Variants in TAGAP observed in about 807,000 individuals in gnomAD.
TAGAP encodes T cell activation RhoGTPase activating protein, also known as T-cell activation Rho GTPase-activating protein.
A neutral mutation model predicts 36.0 loss-of-function variants in TAGAP; 16 were observed. The ratio of observed to expected loss-of-function variants is 0.44; its 90% confidence interval spans 0.30 to 0.68. The LOEUF (loss-of-function observed/expected upper bound fraction) is 0.68. Among genes scored for constraint, TAGAP ranks in the 30% least tolerant of loss-of-function variants. The pLI, the probability that TAGAP is intolerant of heterozygous loss-of-function variation, is 0.09. For synonymous variants in TAGAP, 372 were observed against 377.4 expected (o/e 0.99, Z 0.17); for missense variants, 794 against 921.5 (o/e 0.86, Z 1.79).
intron 8 of TAGAP, chr6:159,038,776 A>G: frequency 6.5e-6 from 3 of 463,198 alleles, no homozygotes; most frequent in Non-Finnish European, 9.1e-6. Context: ...AGTATTAATA[A>G]AATTTTCATT....
intron 2 of TAGAP, 34 bp from the exon 3 acceptor site, chr6:159,044,065 T>A (rs1232127601): frequency 6.2e-7 from 1 of 1,613,662 alleles, no homozygotes; most frequent in East Asian, 2.2e-5. Context: ...GGTAAATATC[T>A]TTTGGCCCTT....
chr6:159,040,610 A>T (rs1779713423), intron 7 of TAGAP, 113 bp downstream of exon 7: 1 of 881,836 alleles, frequency 1.1e-6, no homozygotes, highest in South Asian at 1.7e-5. Context: ...CGGATTCCCT[A>T]AACATCACAA....
Position 159,039,309 on chromosome 6 carries a change from C to T in TAGAP, c.588G>A (p.Gln196=). The T allele has an allele frequency of 1.2e-6, 2 of 1,611,914 alleles. No homozygotes were observed. The highest frequency in any genetic ancestry group is 1.1e-5 in the South Asian group (1 of 91,020). The change falls in exon 8 of 10, where the codon CAG becomes CAA. Residue 196 remains glutamine (Q), a splice_region_variant and synonymous_variant. Coordinates refer to ENST00000367066, the MANE Select transcript of TAGAP (RefSeq NM_054114.5). ...DEEDRIEALK[Q]VADKLPRPNL... ...TGGGCCGGGGGAGCTTATCTGCAAC[C>T]CTGGAATAAAGTGAAGGGATGTTAG... is the stretch of plus-strand genomic sequence containing the variant.
chr6:159,035,900 C>T lies in TAGAP; in HGVS notation c.2123G>A (p.Cys708Tyr). ...SESVQRNKRDCLVRRCSQPVF... is the reference protein window; with the variant it reads ...SESVQRNKRDYLVRRCSQPVF... ...CGGCTGGCTACATCGTCGCACGAGA[C>T]AGTCCCGCTTATTCCTCTGCACGGA... The change falls in exon 10 of 10, where the codon TGT becomes TAT. Residue 708 changes from cysteine (C) to tyrosine (Y), a missense_variant. By Grantham distance (194) the Cys-to-Tyr change is radical. Transcript: ENST00000367066. The T allele has an allele frequency of 2.5e-6, 4 of 1,613,906 alleles. No individual in the cohort carries two copies. The South Asian group carries it at 4.4e-5, about 18-fold the overall frequency.
At chr6:159,038,063 T>C in intron 9 of TAGAP, 51 bp downstream of exon 9, 1 of 1,202,848 alleles carries the variant, frequency 8.3e-7, no homozygotes. Flanking sequence ...ACTGGCAGAC[T>C]GGCATGAACT....
At chr6:159,043,422 T>C (rs1351405387) in intron 4 of TAGAP, among the ~76,000 whole-genome samples, 167 bp downstream of exon 4, 1 of 152,244 alleles carries the variant, frequency 6.6e-6, no homozygotes, top group Non-Finnish European at 1.5e-5. Context: ...CTCCCTGCTC[T>C]AGTGAGTTGG....
At position 159,035,819 on chromosome 6, in the gene TAGAP, C is replaced by A. The variant is rs765320237; in HGVS notation, c.*8G>T. On this transcript the variant is annotated 3_prime_UTR_variant, in exon 10 of 10. Coordinates refer to ENST00000367066, the MANE Select transcript of TAGAP (RefSeq NM_054114.5). ...GCACAAGCTATGGCATGGCGTATGGCCTCCCTCCTAAATATACGATTCTTT... is the reference window on the plus strand; with the variant it reads ...GCACAAGCTATGGCATGGCGTATGGACTCCCTCCTAAATATACGATTCTTT... The A allele has an allele frequency of 7.6e-6, 12 of 1,582,418 alleles. No homozygotes were observed. In the Admixed American group the frequency reaches 2.0e-4, roughly 27 times the overall value.
chr6:159,035,971 A>G lies in TAGAP; in HGVS notation c.2052T>C (p.Ser684=), dbSNP rs774498911. 1 of 1,614,148 alleles carries G rather than the reference A, an allele frequency of 6.2e-7. No individual in the cohort carries two copies. The highest frequency in any genetic ancestry group is 8.5e-7 in the Non-Finnish European group (1 of 1,179,974). The part of the protein sequence containing the change: ...HASGDSLGHV[S]GPGRPELLPL... Reference sequence around the variant, plus strand: ...GGAGGAGCTCAGGTCTCCCTGGGCCAGACACGTGCCCCAGAGAGTCCCCAG... The same window carrying G: ...GGAGGAGCTCAGGTCTCCCTGGGCCGGACACGTGCCCCAGAGAGTCCCCAG... The change falls in exon 10 of 10, where the codon TCT becomes TCC. Residue 684 remains serine, a synonymous_variant. Transcript: ENST00000367066.
Position 159,041,360 on chromosome 6 carries a change from G to A in TAGAP, c.471C>T (p.Val157=). 1 of 1,613,626 alleles carries A rather than the reference G, an allele frequency of 6.2e-7. No individual in the cohort carries two copies. Among genetic ancestry groups the A allele is most frequent in the Non-Finnish European group, 8.5e-7 (1 of 1,179,922 alleles). ...ERLPVHLLAV[V]FKDFLRSIPR... is the part of the protein sequence containing the mutation. ...GCAAGTGTGTTGAACTCACCTTAAA[G>A]ACCACAGCGAGGAGGTGCACGGGGA... is the stretch of plus-strand genomic sequence containing the variant. Residue 157 remains valine (V), a synonymous_variant, in exon 6 of 10, where the codon GTC becomes GTT. Coordinates refer to ENST00000367066, the MANE Select transcript of TAGAP (RefSeq NM_054114.5). This position sits in a 1 kb window ranked among gnomAD's most constrained non-coding sequence, Gnocchi z 4.1.
chr6:159,036,024 A>T lies in TAGAP; in HGVS notation c.1999T>A (p.Trp667Arg), dbSNP rs1309844912. 1 of 1,611,446 alleles carries T rather than the reference A, an allele frequency of 6.2e-7. No individual in the cohort carries two copies. The highest frequency in any genetic ancestry group is 8.5e-7 in the Non-Finnish European group (1 of 1,177,976). ...GHGLSPLPER[W>R]KQSRTVHASG... ...GCATGGACAGTTCTGCTCTGTTTCC[A>T]TCGCTCAGGCAGGGGAGAGAGTCCG... Residue 667 changes from tryptophan to arginine, a missense_variant, in exon 10 of 10, where the codon TGG (tryptophan) becomes AGG (arginine). By Grantham distance (101) the Trp-to-Arg change is moderately radical. Transcript: ENST00000367066. The surrounding 1 kb of genome is among the most constrained non-coding windows in gnomAD (Gnocchi z 4.9).
chr6:159,038,208 G>A lies in TAGAP; in HGVS notation c.804C>T (p.Phe268=), dbSNP rs753717176. The change falls in exon 9 of 10, where the codon TTC becomes TTT. Residue 268 remains phenylalanine, a synonymous_variant. Transcript: ENST00000367066. Reference sequence around the variant, plus strand: ...ATATTTCAAAGCAGTTATCAATGAGGAATTCCACCAGTGTCTTCACCTGTG... The same window carrying A: ...ATATTTCAAAGCAGTTATCAATGAGAAATTCCACCAGTGTCTTCACCTGTG... ...LNNKVKTLVE[F]LIDNCFEIFG... is the part of the protein sequence containing the mutation. The A allele has an allele frequency of 2.5e-6, 4 of 1,606,700 alleles. No individual in the cohort carries two copies. The East Asian group carries it at 6.7e-5, about 27-fold the overall frequency.
chr6:159,036,052 G>A lies in TAGAP; in HGVS notation c.1971C>T (p.Gly657=), dbSNP rs1363852258. The change falls in exon 10 of 10, where the codon GGC becomes GGT. Residue 657 remains glycine, a synonymous_variant. Coordinates refer to ENST00000367066, the MANE Select transcript of TAGAP (RefSeq NM_054114.5). This position sits in a 1 kb window ranked among gnomAD's most constrained non-coding sequence, Gnocchi z 4.9. Reference sequence around the variant, plus strand: ...GCTCAGGCAGGGGAGAGAGTCCGTGGCCAGGGAGTGGCTCTTTGCTGCCCC... The same window carrying A: ...GCTCAGGCAGGGGAGAGAGTCCGTGACCAGGGAGTGGCTCTTTGCTGCCCC... ...RHRGSKEPLP[G]HGLSPLPERW... The A allele has an allele frequency of 6.2e-7, 1 of 1,612,334 alleles. No individual in the cohort carries two copies. Among genetic ancestry groups the A allele is most frequent in the Non-Finnish European group, 8.5e-7 (1 of 1,178,562 alleles).
chr6:159,039,824 G>A (rs542037664), intron 7 of TAGAP, among the ~76,000 whole-genome samples: 3 of 152,216 alleles, frequency 2.0e-5, no homozygotes, highest in South Asian at 2.1e-4. Flanking sequence ...CATATAAGGC[G>A]GCACTTAAAT....
In TAGAP at chr6:159,037,763, C is replaced by T. The variant is rs941303486; in HGVS notation, c.898+351G>A. 6.6e-6 allele frequency among the ~76,000 whole-genome samples: 1 copy of T among 152,190 alleles called. No homozygotes were observed. Among genetic ancestry groups the T allele is most frequent in the Non-Finnish European group, 1.5e-5 (1 of 68,030 alleles). ...AATGTATTGACCTTAATTTTTAAAA[C>T]TGCTCCTTTTACTGGACCCATTTTC... On this transcript the variant is annotated intron_variant, in intron 9 of 9. Transcript: ENST00000367066. This position sits in a 1 kb window ranked among gnomAD's most constrained non-coding sequence, Gnocchi z 5.1.
rs773179199 is a variant in TAGAP, at chr6:159,036,167, G to A, written c.1856C>T (p.Thr619Met). ...CATCCTCGCCCTCATGCTCCCCACC[G>A]TCATGCTCCCCACGGTCTGGCTCTC... ...ASESQTVGSMTVGSMRARMLE... is the reference protein window; with the variant it reads ...ASESQTVGSMMVGSMRARMLE... The change falls in exon 10 of 10, where the codon ACG becomes ATG. Residue 619 changes from threonine to methionine, a missense_variant. Coordinates refer to ENST00000367066, the MANE Select transcript of TAGAP (RefSeq NM_054114.5). The surrounding 1 kb of genome is among the most constrained non-coding windows in gnomAD (Gnocchi z 4.9). The A allele has an allele frequency of 6.8e-6, 11 of 1,612,438 alleles. No homozygotes were observed. Among genetic ancestry groups the A allele is most frequent in the Non-Finnish European group, 1.7e-6 (2 of 1,179,466 alleles).
In TAGAP at chr6:159,041,760, CA is replaced by C. The variant is rs918165090; in HGVS notation, c.316-246del. Reference sequence around the variant, plus strand: ...CATATGAACATTGGATTTCAGATCACAAAGTCTATATTCTGTTTCCCCCTTT... The same window carrying C: ...CATATGAACATTGGATTTCAGATCACAAGTCTATATTCTGTTTCCCCCTTT... On this transcript the variant is annotated intron_variant, in intron 5 of 9. Coordinates refer to ENST00000367066, the MANE Select transcript of TAGAP (RefSeq NM_054114.5). The surrounding 1 kb of genome is among the most constrained non-coding windows in gnomAD (Gnocchi z 4.1). 3 of 548,738 alleles carry C rather than the reference CA, an allele frequency of 5.5e-6. No homozygotes were observed. The African/African-American group carries it at 5.7e-5, about 10-fold the overall frequency. 34.0% of individuals were successfully genotyped at this position (548,738 alleles called of 1,614,324 possible).
chr6:159,037,024 C>T lies in TAGAP; in HGVS notation c.999G>A (p.Gln333=), dbSNP rs1169128990. 6.2e-7 allele frequency: 1 copy of T among 1,613,720 alleles called. No homozygotes were observed. Among genetic ancestry groups the T allele is most frequent in the South Asian group, 1.1e-5 (1 of 91,086 alleles). ...AGCCAGCAGCTGTGGCCATGGGCAC[C>T]TGGGGCTGCCTGCTGGGAGAGCTGA... ...SGISSPSRQP[Q]VPMATAAGLD... Residue 333 remains glutamine, a synonymous_variant, in exon 10 of 10, where the codon CAG becomes CAA. Transcript: ENST00000367066. This position sits in a 1 kb window ranked among gnomAD's most constrained non-coding sequence, Gnocchi z 5.1.
Position 159,036,601 on chromosome 6 carries a change from C to T in TAGAP, c.1422G>A (p.Val474=). 1 of 1,614,110 alleles carries T rather than the reference C, an allele frequency of 6.2e-7. No individual in the cohort carries two copies. Among genetic ancestry groups the T allele is most frequent in the Admixed American group, 1.7e-5 (1 of 60,012 alleles). ...SLDASSDSSP[V]ASPSSPKRNF... ...TTCTTTTGGGACTGGAAGGAGAAGC[C>T]ACGGGCGAGCTGTCAGAGGACGCGT... The change falls in exon 10 of 10, where the codon GTG becomes GTA. Residue 474 remains valine, a synonymous_variant. Coordinates refer to ENST00000367066, the MANE Select transcript of TAGAP (RefSeq NM_054114.5). This position sits in a 1 kb window ranked among gnomAD's most constrained non-coding sequence, Gnocchi z 4.9.
chr6:159,044,331 G>A (rs1246877954), intron 1 of TAGAP, 127 bp from the exon 2 acceptor site: 3 of 582,994 alleles, frequency 5.1e-6, no homozygotes, highest in Non-Finnish European at 8.5e-6. Context: ...TTTTTCACTT[G>A]CCTTTACTTT....
Sources: allele counts gnomAD v4.1 joint callset (sites outside exome capture counted in the v4.1 genomes callset), GRCh38; gene constraint gnomAD v4.1.1; non-coding constraint Gnocchi (gnomAD v3.1); transcripts MANE v1.5; gene names NCBI Gene and HGNC (gene_info 2026-07-23, HGNC 2026-07-21).